Variants in MAPKBP1 observed in about 807,000 individuals in gnomAD.
MAPKBP1 encodes the protein mitogen-activated protein kinase-binding protein 1.
MAPKBP1 carries 71 observed loss-of-function variants against 170.5 expected under a neutral mutation model. The observed-to-expected ratio is 0.42, with a 90% CI of 0.34 to 0.51. The LOEUF (loss-of-function observed/expected upper bound fraction) is 0.51, where lower values mean the gene tolerates loss of function less well. Among genes scored for constraint, MAPKBP1 ranks in the 20% least tolerant of loss-of-function variants. The pLI, the probability that MAPKBP1 is intolerant of heterozygous loss-of-function variation, is 0.06. For missense variants in MAPKBP1, 1,598 were observed against 1,933.0 expected (o/e 0.83, Z 3.25); for synonymous variants, 719 against 757.9 (o/e 0.95, Z 0.84).
chr15:41,819,386 G>A lies in MAPKBP1; in HGVS notation c.2425+7G>A. ...AGTACCAAGAAGGCACTGGGTCTGTGGCAGTTGGGTGTGGGGGCAGACAGG... is the reference window on the plus strand; with the variant it reads ...AGTACCAAGAAGGCACTGGGTCTGTAGCAGTTGGGTGTGGGGGCAGACAGG... On this transcript the variant is annotated splice_region_variant and intron_variant, in intron 21 of 30. Transcript: ENST00000457542. The A allele has an allele frequency of 6.2e-7, 1 of 1,613,834 alleles. No individual in the cohort carries two copies. The highest frequency in any genetic ancestry group is 8.5e-7 in the Non-Finnish European group (1 of 1,179,880).
At position 41,817,856 on chromosome 15, in the gene MAPKBP1, AGTACTTTGCTTCACCCAAGAGGTG is replaced by A. The variant is rs1160521384; in HGVS notation, c.1904+125_1905-126del. 17 of 1,561,736 alleles carry A rather than the reference AGTACTTTGCTTCACCCAAGAGGTG, an allele frequency of 1.1e-5. No individual in the cohort carries two copies. The African/African-American group carries it at 2.0e-4, about 19-fold the overall frequency. ...GGACTTTGTACCCCCTTGAGCCTAC[AGTACTTTGCTTCACCCAAGAGGTG>A]GTAGCCTGTTTGCTGCTGGGGGTAG... On this transcript the variant is annotated intron_variant, in intron 16 of 30. Coordinates refer to ENST00000457542, the MANE Select transcript of MAPKBP1 (RefSeq NM_014994.3). This position sits in a 1 kb window ranked among gnomAD's most constrained non-coding sequence, Gnocchi z 4.2.
intron 2 of MAPKBP1, among the ~76,000 whole-genome samples, chr15:41,775,863 A>G (rs1197288822): frequency 2.0e-5 from 3 of 152,236 alleles, no homozygotes; most frequent in Admixed American, 6.5e-5. Context: ...GCTCTTGCCT[A>G]CGGTGAAAAC....
chr15:41,819,018 T>G, intron 20 of MAPKBP1, 61 bp downstream of exon 20: 1 of 1,598,406 alleles, frequency 6.3e-7, no homozygotes, highest in Non-Finnish European at 8.5e-7. Flanking sequence ...GGGACCTCAC[T>G]GCACTTCCTC....
At chr15:41,785,782 C>T (rs1236035197) in intron 2 of MAPKBP1, among the ~76,000 whole-genome samples, 1 of 152,144 alleles carries the variant, frequency 6.6e-6, no homozygotes, top group Non-Finnish European at 1.5e-5. Context: ...TACCCTTACA[C>T]TACTGGTGAA....
At chr15:41,780,984 G>C (rs978989708) in intron 2 of MAPKBP1, among the ~76,000 whole-genome samples, 2 of 151,912 alleles carry the variant, frequency 1.3e-5, no homozygotes, top group Non-Finnish European at 2.9e-5. Context: ...TGAGTTTACA[G>C]TATGGATAGC....
intron 3 of MAPKBP1, among the ~76,000 whole-genome samples, chr15:41,801,807 G>A (rs753789647): frequency 3.3e-5 from 5 of 152,038 alleles, no homozygotes; most frequent in East Asian, 1.9e-4. Context: ...TGCAGATTTC[G>A]CCACTGCACT....
At position 41,817,783 on chromosome 15, in the gene MAPKBP1, C is replaced by T. The variant is rs534460170; in HGVS notation, c.1904+48C>T. The T allele has an allele frequency of 1.3e-5, 20 of 1,598,560 alleles. No homozygotes were observed. The highest frequency in any genetic ancestry group is 6.7e-5 in the African/African-American group (5 of 74,584). On this transcript the variant is annotated intron_variant, in intron 16 of 30. Transcript: ENST00000457542. This position sits in a 1 kb window ranked among gnomAD's most constrained non-coding sequence, Gnocchi z 4.2. Reference sequence around the variant, plus strand: ...CTGCCCACATTCCTTCATCTCCCTACGGGGTCAGCTCTGTGCAGCTAAGTT... The same window carrying T: ...CTGCCCACATTCCTTCATCTCCCTATGGGGTCAGCTCTGTGCAGCTAAGTT...
intron 3 of MAPKBP1, among the ~76,000 whole-genome samples, chr15:41,801,900 A>C (rs905508096): frequency 6.6e-6 from 1 of 152,160 alleles, no homozygotes; most frequent in African/African-American, 2.4e-5. Context: ...AATCAAGTAC[A>C]GTCATGTGTC....
At chr15:41,815,446 C>T (rs1319200394) in intron 11 of MAPKBP1, 41 bp downstream of exon 11, 2 of 1,607,718 alleles carry the variant, frequency 1.2e-6, no homozygotes, top group Admixed American at 1.7e-5. Context: ...ACCCTCAGTG[C>T]CCCCATCCCC....
chr15:41,824,562 A>G lies in MAPKBP1; in HGVS notation c.4292A>G (p.Tyr1431Cys). Residue 1431 changes from tyrosine to cysteine, a missense_variant, in exon 30 of 31, where the codon TAC becomes TGC. Coordinates refer to ENST00000457542, the MANE Select transcript of MAPKBP1 (RefSeq NM_014994.3). ...AGCGTGCGCCAGGCAGTGCGGCTCT[A>G]CCACTCGGTGGGTGTTAGGTGCCCC... ...RGSVRQAVRL[Y>C]HSVAGCKMPS... 1 of 1,594,750 alleles carries G rather than the reference A, an allele frequency of 6.3e-7. No individual in the cohort carries two copies. The highest frequency in any genetic ancestry group is 8.5e-7 in the Non-Finnish European group (1 of 1,172,498).
At chr15:41,815,160 C>A in intron 10 of MAPKBP1, 99 bp from the exon 11 acceptor site, 1 of 1,449,434 alleles carries the variant, frequency 6.9e-7, no homozygotes, top group Non-Finnish European at 9.5e-7. Context: ...TAAGTCCTGG[C>A]CACCATTCCC....
In MAPKBP1 at chr15:41,813,042, T is replaced by G; in HGVS notation, c.760T>G (p.Ser254Ala). The change falls in exon 8 of 31, where the codon TCA (serine) becomes GCA (alanine). Residue 254 changes from serine to alanine, a missense_variant. Ser to Ala is a moderately conservative substitution (Grantham distance 99). Transcript: ENST00000457542. Reference sequence around the variant, plus strand: ...GGACAGTACCTTCTGCATCACGTCCTCAGGGCTGCTGTGCGAGTTCAGTGA... The same window carrying G: ...GGACAGTACCTTCTGCATCACGTCCGCAGGGCTGCTGTGCGAGTTCAGTGA... Reference protein sequence around the residue: ...KADSTFCITSSGLLCEFSDRR... With the variant: ...KADSTFCITSAGLLCEFSDRR... 1 of 1,613,840 alleles carries G rather than the reference T, an allele frequency of 6.2e-7. No homozygotes were observed. The highest frequency in any genetic ancestry group is 8.5e-7 in the Non-Finnish European group (1 of 1,179,828).
chr15:41,825,555 G>C lies in MAPKBP1; in HGVS notation c.*119G>C. 1 of 873,254 alleles carries C rather than the reference G, an allele frequency of 1.1e-6. No homozygotes were observed. Among genetic ancestry groups the C allele is most frequent in the South Asian group, 1.9e-5 (1 of 52,756 alleles). The allele number at this position is 873,254 out of a possible 1,614,324, so 54.1% of individuals were successfully genotyped here. ...TGGAAAGCAGGGAGCAGTGTTCAGA[G>C]GCAAAGCAGCCTTCCCAGCCGCTCC... is the stretch of plus-strand genomic sequence containing the variant. On this transcript the variant is annotated 3_prime_UTR_variant, in exon 31 of 31. Coordinates refer to ENST00000457542, the MANE Select transcript of MAPKBP1 (RefSeq NM_014994.3).
rs771588287 is a variant in MAPKBP1 at position 41,823,789 on chromosome 15, G to C, written c.3941G>C (p.Arg1314Pro). 1.2e-6 allele frequency: 2 copies of C among 1,614,100 alleles called. No individual in the cohort carries two copies. Among genetic ancestry groups the C allele is most frequent in the African/African-American group, 2.7e-5 (2 of 74,994 alleles). ...LAAFSPVTKG[R>P]APGEAEKPGF... ...GCATTCTCTCCTGTCACCAAAGGCC[G>C]GGCCCCTGGCGAGGCAGAAAAGCCT... The change falls in exon 29 of 31, where the codon CGG becomes CCG. Residue 1314 changes from arginine to proline, a missense_variant. Arg to Pro is a moderately radical substitution (Grantham distance 103, BLOSUM62 -2). Transcript: ENST00000457542.
rs1211746908 is a variant in MAPKBP1, at chr15:41,826,870, A to C, written c.*1434A>C. 2.0e-5 allele frequency: 3 copies of C among 152,260 alleles called. No homozygotes were observed. The East Asian group carries it at 5.8e-4, about 29-fold the overall frequency. The allele number at this position is 152,260 out of a possible 1,614,324, so 9.4% of individuals were successfully genotyped here. A position where few individuals can be genotyped will look rare whatever the true frequency, so the allele number is the denominator to read the frequency against. Reference sequence around the variant, plus strand: ...GGACCATGTCGTGAGGCAGTTGAAGAGTTGAGGAAAGGTTTTTCTGGGCCC... The same window carrying C: ...GGACCATGTCGTGAGGCAGTTGAAGCGTTGAGGAAAGGTTTTTCTGGGCCC... On this transcript the variant is annotated 3_prime_UTR_variant, in exon 31 of 31. Coordinates refer to ENST00000457542, the MANE Select transcript of MAPKBP1 (RefSeq NM_014994.3).
intron 5 of MAPKBP1, 31 bp from the exon 6 acceptor site, chr15:41,811,926 G>T: frequency 3.1e-6 from 5 of 1,612,294 alleles, no homozygotes; most frequent in South Asian, 1.1e-5. Context: ...GAGAAGTCAA[G>T]AACTCACTTC....
rs768937483 is a variant in MAPKBP1, at chr15:41,819,321, G to C, written c.2367G>C (p.Gly789=). The change falls in exon 21 of 31, where the codon GGG becomes GGC. Residue 789 remains glycine (G), a synonymous_variant. Coordinates refer to ENST00000457542, the MANE Select transcript of MAPKBP1 (RefSeq NM_014994.3). ...GTGACAAGGAGGGAGAAGATGAGGG[G>C]ACTGAAGAAGAACTTCCAGCACTGC... ...SDSDKEGEDE[G]TEEELPALPV... is the part of the protein sequence containing the mutation. 6.2e-7 allele frequency: 1 copy of C among 1,614,198 alleles called. No homozygotes were observed. The highest frequency in any genetic ancestry group is 1.1e-5 in the South Asian group (1 of 91,080).
chr15:41,815,811 C>T lies in MAPKBP1; in HGVS notation c.1493+12C>T, dbSNP rs1359568673. 7.5e-6 allele frequency: 12 copies of T among 1,608,586 alleles called. No individual in the cohort carries two copies. The highest frequency in any genetic ancestry group is 1.0e-5 in the Non-Finnish European group (12 of 1,175,488). On this transcript the variant is annotated intron_variant, in intron 12 of 30. Coordinates refer to ENST00000457542, the MANE Select transcript of MAPKBP1 (RefSeq NM_014994.3). ...ATGGGCACACTTAGGTAATGCCAGG[C>T]CCTGGGTGGGTACTGACTGCCTCTC...
Position 41,813,585 on chromosome 15 carries a change from A to G in MAPKBP1, c.820-36A>G, listed in dbSNP as rs748668904. 11 of 1,605,972 alleles carry G rather than the reference A, an allele frequency of 6.8e-6. No homozygotes were observed. The Admixed American group carries it at 8.6e-5, about 13-fold the overall frequency. On this transcript the variant is annotated intron_variant, in intron 8 of 30. Transcript: ENST00000457542. Reference sequence around the variant, plus strand: ...GGGGAGGAGAGAAGACTGAGTGGGCAGGTGGCCTTGCTGAGCTGAGCCACT... The same window carrying G: ...GGGGAGGAGAGAAGACTGAGTGGGCGGGTGGCCTTGCTGAGCTGAGCCACT...
Sources: allele counts gnomAD v4.1 joint callset (sites outside exome capture counted in the v4.1 genomes callset), GRCh38; gene constraint gnomAD v4.1.1; non-coding constraint Gnocchi (gnomAD v3.1); transcripts MANE v1.5; gene names NCBI Gene and HGNC (gene_info 2026-07-23, HGNC 2026-07-21).